The following GRB10 variants were observed in gnomAD, a reference collection of about 807,000 sequenced individuals.
GRB10 encodes the protein growth factor receptor-bound protein 10.
A neutral mutation model predicts 80.9 loss-of-function variants in GRB10; 20 were observed. The ratio of observed to expected loss-of-function variants is 0.25; its 90% CI spans 0.17 to 0.36. The LOEUF is 0.36. Among genes scored for constraint, GRB10 ranks in the 10% least tolerant of loss-of-function variants. GRB10 has a pLI of 1.00. For synonymous variants in GRB10, 291 were observed against 291.5 expected, an observed-to-expected ratio of 1.00 and a Z score of 0.02; for missense variants, 548 against 747.7, an observed-to-expected ratio of 0.73 and a Z score of 3.12.
intron 5 of GRB10, among the ~76,000 whole-genome samples, chr7:50,687,884 C>T (rs1425672425): frequency 2.6e-5 from 4 of 152,226 alleles, no homozygotes; most frequent in Non-Finnish European, 2.9e-5. Context: ...GCTCACATCT[C>T]CAAGAAGCAT....
intron 14 of GRB10, among the ~76,000 whole-genome samples, chr7:50,605,799 G>A (rs917721082): frequency 1.3e-5 from 2 of 152,136 alleles, no homozygotes; most frequent in Admixed American, 6.5e-5. Context: ...AGGAAAACTC[G>A]TGGACCCTTT....
At chr7:50,693,421 G>C (rs1036728156) in intron 5 of GRB10, among the ~76,000 whole-genome samples, 2 of 152,088 alleles carry the variant, frequency 1.3e-5, no homozygotes, top group Admixed American at 6.6e-5. Flanking sequence ...ACAAATTAAA[G>C]CTGCATGCCT....
At chr7:50,708,559 T>A (rs1299390493) in intron 4 of GRB10, among the ~76,000 whole-genome samples, 2 of 152,130 alleles carry the variant, frequency 1.3e-5, no homozygotes, top group African/African-American at 4.8e-5. Flanking sequence ...GGTTTATCAT[T>A]GTGTTAGCTT....
At chr7:50,742,405 C>T (rs370743023) in intron 3 of GRB10, among the ~76,000 whole-genome samples, 4 of 151,990 alleles carry the variant, frequency 2.6e-5, no homozygotes, top group Admixed American at 2.6e-4. Flanking sequence ...ATGAAGGAGA[C>T]GAAGCTCAGT....
chr7:50,595,224 A>G (rs2153560225), intron 18 of GRB10, among the ~76,000 whole-genome samples: 1 of 152,226 alleles, frequency 6.6e-6, no homozygotes, highest in Middle Eastern at 3.4e-3. Context: ...GGGGGGCCTC[A>G]ACACCCTATC....
intron 4 of GRB10, among the ~76,000 whole-genome samples, chr7:50,708,042 G>A (rs879715072): frequency 6.6e-6 from 1 of 152,122 alleles, no homozygotes; most frequent in Non-Finnish European, 1.5e-5. Context: ...TTTGAATTTC[G>A]GATTAATAAC....
chr7:50,614,860 C>T lies in GRB10; in HGVS notation c.1005G>A (p.Leu335=), dbSNP rs1370832846. Residue 335 remains leucine, a synonymous_variant, in exon 12 of 19, where the codon CTG becomes CTA. Coordinates refer to ENST00000401949, the MANE Select transcript of GRB10 (RefSeq NM_001350814.2). ...TGTTGCTGTCCTCCAGGTCGGCCAGCAGCTGCAGGTGTCTGGGTTCCTGTG... is the reference window on the plus strand; with the variant it reads ...TGTTGCTGTCCTCCAGGTCGGCCAGTAGCTGCAGGTGTCTGGGTTCCTGTG... The part of the protein sequence containing the change: ...GTSKEPRHLQ[L]LADLEDSNIF... 6.2e-7 allele frequency: 1 copy of T among 1,613,670 alleles called. No individual in the cohort carries two copies.
intron 4 of GRB10, among the ~76,000 whole-genome samples, chr7:50,726,291 G>A (rs1028904112): frequency 1.3e-5 from 2 of 152,094 alleles, no homozygotes; most frequent in African/African-American, 4.8e-5. Flanking sequence ...CCAGGTACTC[G>A]GGAGGCTGAG....
chr7:50,732,851 G>A lies in GRB10; in HGVS notation c.-46-483C>T, dbSNP rs376269970. ...AGCTCCACAAGCCATAGAACAAATC[G>A]GAATTCTCAGTGGACATCCAACCTG... is the stretch of plus-strand genomic sequence containing the variant. On this transcript the variant is annotated intron_variant, in intron 3 of 18. Transcript: ENST00000401949. Among the ~76,000 whole-genome samples the A allele has an allele frequency of 4.6e-5, 7 of 152,236 alleles. No homozygotes were observed. In the East Asian group the frequency reaches 1.3e-3, roughly 29 times the overall value.
At chr7:50,593,716 A>C (rs2046139634) in intron 18 of GRB10, among the ~76,000 whole-genome samples, 1 of 152,194 alleles carries the variant, frequency 6.6e-6, no homozygotes, top group Non-Finnish European at 1.5e-5. Context: ...TTTCAGTTGG[A>C]TGACTGTAGT....
rs371607983 is a variant in GRB10, at chr7:50,703,928, G to A, written c.52-20C>T. The A allele has an allele frequency of 8.4e-5, 133 of 1,579,736 alleles. No individual in the cohort carries two copies. Among genetic ancestry groups the A allele is most frequent in the Middle Eastern group, 3.4e-4 (2 of 5,864 alleles). On this transcript the variant is annotated intron_variant, in intron 4 of 18. Transcript: ENST00000401949. ...CTTGTCCTAAAAAAACAGGACCGCA[G>A]CAGAAAGGCTGTGAGTTCACAAGAA...
At chr7:50,685,443 A>G (rs915578251) in intron 5 of GRB10, among the ~76,000 whole-genome samples, 1 of 152,206 alleles carries the variant, frequency 6.6e-6, no homozygotes, top group Non-Finnish European at 1.5e-5. Context: ...CATATCCCGT[A>G]GGAAAGAGTG....
intron 3 of GRB10, among the ~76,000 whole-genome samples, chr7:50,746,929 C>T (rs1321144279): frequency 6.6e-6 from 1 of 152,162 alleles, no homozygotes; most frequent in African/African-American, 2.4e-5. Flanking sequence ...TTTCCCACTT[C>T]AGGAGGGAAG....
chr7:50,703,886 C>T lies in GRB10; in HGVS notation c.74G>A (p.Arg25His), dbSNP rs765197909. 2.5e-6 allele frequency: 4 copies of T among 1,612,926 alleles called. No individual in the cohort carries two copies. The highest frequency in any genetic ancestry group is 3.4e-6 in the Non-Finnish European group (4 of 1,179,210). Reference sequence around the variant, plus strand: ...TGGTCCTGCCGGGTCTTGTTGACTGCGAGGTGTCTGCTCCACCTTGTCCTA... The same window carrying T: ...TGGTCCTGCCGGGTCTTGTTGACTGTGAGGTGTCTGCTCCACCTTGTCCTA... Reference protein sequence around the residue: ...YYQDKVEQTPRSQQDPAGPGL... With the variant: ...YYQDKVEQTPHSQQDPAGPGL... Residue 25 changes from arginine to histidine, a missense_variant, in exon 5 of 19, where the codon CGC becomes CAC. Arg to His is a conservative substitution (Grantham distance 29, BLOSUM62 0). This residue lies in a region of GRB10 where 245 missense variants were observed against 229.3 expected (regional missense o/e 1.07). Transcript: ENST00000401949.
intron 5 of GRB10, among the ~76,000 whole-genome samples, chr7:50,695,318 A>G (rs189144877): frequency 4.6e-5 from 7 of 152,348 alleles, no homozygotes; most frequent in East Asian, 1.9e-4. Context: ...AAAACACCCT[A>G]TCTCTTGACA....
intron 15 of GRB10, 177 bp downstream of exon 15, chr7:50,605,113 T>C (rs1426054731): frequency 4.8e-6 from 3 of 631,496 alleles, no homozygotes; most frequent in Non-Finnish European, 8.4e-6. Context: ...GGCTGGGTGC[T>C]GGGAACATGG....
intron 5 of GRB10, among the ~76,000 whole-genome samples, chr7:50,689,418 C>G (rs902290649): frequency 2.0e-5 from 3 of 152,190 alleles, no homozygotes; most frequent in African/African-American, 7.2e-5. Context: ...CAACTCAGGA[C>G]TATCGTGAAA....
chr7:50,676,958 C>T (rs1027504994), intron 5 of GRB10, among the ~76,000 whole-genome samples: 1 of 152,142 alleles, frequency 6.6e-6, no homozygotes, highest in African/African-American at 2.4e-5. Context: ...CAGCACAGCC[C>T]TTGCTGGAAG....
chr7:50,651,225 C>T (rs1488214802), intron 7 of GRB10, among the ~76,000 whole-genome samples: 1 of 152,170 alleles, frequency 6.6e-6, no homozygotes, highest in Non-Finnish European at 1.5e-5. Flanking sequence ...AACTAGATGA[C>T]TTAACAGAAA....
Sources: gnomAD v4.1 joint callset for allele counts (sites outside exome capture counted in the v4.1 genomes callset) on GRCh38, gnomAD v4.1.1 for gene constraint, gnomAD v4.1.1 regional missense constraint, MANE v1.5 for transcripts, NCBI Gene and HGNC (gene_info 2026-07-23, HGNC 2026-07-21) for gene names.